The following AMPH variants were observed in gnomAD, a reference collection of about 807,000 sequenced individuals.
AMPH encodes the protein amphiphysin (Stiff-Mann syndrome with breast cancer 128kD autoantigen).
Under a neutral mutation model 99.1 loss-of-function variants are expected in AMPH, and 49 were observed. That is an observed-to-expected ratio of 0.49 (90% CI 0.39 to 0.63). The LOEUF (loss-of-function observed/expected upper bound fraction) is 0.63, where lower values mean the gene tolerates loss of function less well. AMPH is among the 20% of genes least tolerant of loss of function. The pLI, the probability that AMPH is intolerant of heterozygous loss-of-function variation, is 0.00. For synonymous variants in AMPH, 314 were observed against 317.3 expected (o/e 0.99, Z 0.11); for missense variants, 759 against 863.4 (o/e 0.88, Z 1.52).
intron 17 of AMPH, among the ~76,000 whole-genome samples, chr7:38,411,796 G>A (rs904636272): frequency 3.9e-5 from 6 of 152,080 alleles, no homozygotes; most frequent in Non-Finnish European, 2.9e-5. Context: ...TCTTACATAG[G>A]CTACCCAATT....
chr7:38,467,388 C>T lies in AMPH; in HGVS notation c.591-1140G>A, dbSNP rs370039053. On this transcript the variant is annotated intron_variant, in intron 7 of 20. Coordinates refer to ENST00000356264, the MANE Select transcript of AMPH (RefSeq NM_001635.4). ...ATACATTATGCAGAGGGACCCCACT[C>T]GCAGTGTTTGCAGAGAAGTCTTCTG... Among the ~76,000 whole-genome samples the T allele has an allele frequency of 7.2e-5, 11 of 152,280 alleles. No individual in the cohort carries two copies. In the East Asian group the frequency reaches 9.6e-4, roughly 13 times the overall value.
At chr7:38,492,979 T>C (rs1562789366) in intron 4 of AMPH, among the ~76,000 whole-genome samples, 2 of 152,202 alleles carry the variant, frequency 1.3e-5, no homozygotes, top group Admixed American at 6.5e-5. Flanking sequence ...AATAATTGCA[T>C]CTGAAAGTAA....
At chr7:38,591,682 C>T (rs113166345) in intron 1 of AMPH, among the ~76,000 whole-genome samples, 7 of 152,278 alleles carry the variant, frequency 4.6e-5, no homozygotes, top group African/African-American at 1.7e-4. Context: ...CTTATCATCC[C>T]TCCACCACTA....
At chr7:38,591,847 A>T (rs1243974447) in intron 1 of AMPH, among the ~76,000 whole-genome samples, 1 of 152,190 alleles carries the variant, frequency 6.6e-6, no homozygotes, top group Non-Finnish European at 1.5e-5. Flanking sequence ...CATTTCTCTG[A>T]TGTCTTTCGC....
chr7:38,605,825 A>G (rs907909500), intron 1 of AMPH, among the ~76,000 whole-genome samples: 8 of 151,760 alleles, frequency 5.3e-5, no homozygotes, highest in African/African-American at 1.9e-4. Flanking sequence ...CAGGTGATTC[A>G]CCCGCCTCCC....
At chr7:38,500,528 T>C (rs548263633) in intron 3 of AMPH, among the ~76,000 whole-genome samples, 2 of 152,038 alleles carry the variant, frequency 1.3e-5, no homozygotes, top group Non-Finnish European at 2.9e-5. Flanking sequence ...TAGATCACAT[T>C]AAGGAAAAGA....
intron 14 of AMPH, 137 bp downstream of exon 14, chr7:38,429,705 G>T: frequency 7.0e-6 from 9 of 1,277,780 alleles, no homozygotes; most frequent in South Asian, 1.4e-5. Context: ...ACTGGAAAGT[G>T]ATTACATTCA....
chr7:38,528,053 A>G (rs900111750), intron 2 of AMPH, among the ~76,000 whole-genome samples: 1 of 152,068 alleles, frequency 6.6e-6, no homozygotes, highest in Non-Finnish European at 1.5e-5. Context: ...ACATTGATTG[A>G]TTTTGGAATG....
chr7:38,471,025 C>T (rs1417469143), intron 7 of AMPH, among the ~76,000 whole-genome samples: 1 of 152,078 alleles, frequency 6.6e-6, no homozygotes, highest in Non-Finnish European at 1.5e-5. Flanking sequence ...AAGCTCCAAG[C>T]AAACAAAAAC....
intron 1 of AMPH, among the ~76,000 whole-genome samples, chr7:38,620,844 C>A (rs1452279064): frequency 2.0e-5 from 3 of 152,090 alleles, no homozygotes; most frequent in African/African-American, 7.2e-5. Flanking sequence ...CAGCTCTGAA[C>A]CAGTGTCCTG....
chr7:38,527,482 A>G (rs1468840452), intron 2 of AMPH, among the ~76,000 whole-genome samples: 1 of 152,106 alleles, frequency 6.6e-6, no homozygotes, highest in Non-Finnish European at 1.5e-5. Flanking sequence ...ATTTACACAT[A>G]TATATTTCTT....
At chr7:38,439,484 T>C (rs1213248965) in intron 11 of AMPH, among the ~76,000 whole-genome samples, 2 of 152,220 alleles carry the variant, frequency 1.3e-5, no homozygotes, top group Non-Finnish European at 2.9e-5. Context: ...CCAGCTTATA[T>C]AGTATTCCTT....
chr7:38,426,845 G>A (rs1329139075), intron 15 of AMPH, 109 bp downstream of exon 15: 1 of 974,612 alleles, frequency 1.0e-6, no homozygotes, highest in African/African-American at 1.6e-5. Flanking sequence ...ATTTTGTGCT[G>A]ATATTCTTAA....
At chr7:38,627,459 T>C (rs1584321991) in intron 1 of AMPH, among the ~76,000 whole-genome samples, 1 of 149,374 alleles carries the variant, frequency 6.7e-6, no homozygotes, top group East Asian at 2.0e-4. Context: ...ATCGAGACCA[T>C]CCTGGCTAAC....
At chr7:38,444,716 G>T (rs1044952044) in intron 11 of AMPH, among the ~76,000 whole-genome samples, 2 of 151,826 alleles carry the variant, frequency 1.3e-5, no homozygotes, top group Admixed American at 6.6e-5. Flanking sequence ...TTTTGTGGGG[G>T]GTTTTGTATT....
chr7:38,492,788 A>C (rs1265351434), intron 4 of AMPH, among the ~76,000 whole-genome samples: 1 of 152,002 alleles, frequency 6.6e-6, no homozygotes, highest in South Asian at 2.1e-4. Flanking sequence ...TTTGCCACAC[A>C]TAGAAGGTAA....
At chr7:38,587,096 C>T (rs1340508895) in intron 1 of AMPH, among the ~76,000 whole-genome samples, 1 of 152,078 alleles carries the variant, frequency 6.6e-6, no homozygotes, top group Non-Finnish European at 1.5e-5. Flanking sequence ...TGACCAGTAC[C>T]TGTGCAATAT....
At chr7:38,543,129 T>C (rs1584226883) in intron 1 of AMPH, among the ~76,000 whole-genome samples, 1 of 147,864 alleles carries the variant, frequency 6.8e-6, no homozygotes, top group African/African-American at 2.5e-5. Flanking sequence ...TGGTGGCATG[T>C]GCTTGTGGTC....
intron 1 of AMPH, among the ~76,000 whole-genome samples, chr7:38,545,839 G>A (rs530488892): frequency 2.6e-5 from 4 of 152,260 alleles, no homozygotes; most frequent in Non-Finnish European, 4.4e-5. Context: ...CAGGATGTGC[G>A]TGATCACAAA....
Sources: allele counts gnomAD v4.1 joint callset (sites outside exome capture counted in the v4.1 genomes callset), GRCh38; gene constraint gnomAD v4.1.1; transcripts MANE v1.5; gene names NCBI Gene and HGNC (gene_info 2026-07-23, HGNC 2026-07-21).